MAGI2: variants seen among roughly 807,000 people sequenced by gnomAD.
MAGI2 encodes membrane associated guanylate kinase, WW and PDZ domain containing 2.
A neutral mutation model predicts 133.3 loss-of-function variants in MAGI2; 35 were observed. The ratio of observed to expected loss-of-function variants is 0.26; its 90% CI spans 0.20 to 0.35. The LOEUF (loss-of-function observed/expected upper bound fraction) is 0.35, where lower values mean the gene tolerates loss of function less well. Ranked by LOEUF, MAGI2 falls within the 10% of genes least tolerant of loss-of-function variation. The pLI is 1.00. For synonymous variants in MAGI2, 729 were observed against 710.6 expected (o/e 1.03, Z -0.41); for missense variants, 1,636 against 1,863.4 (o/e 0.88, Z 2.25).
At chr7:78,739,955 A>G (rs1023118583) in intron 2 of MAGI2, among the ~76,000 whole-genome samples, 1 of 152,054 alleles carries the variant, frequency 6.6e-6, no homozygotes, top group African/African-American at 2.4e-5. Context: ...TCAGGAGATC[A>G]AGACCATCCT....
At chr7:79,438,777 C>T (rs1490532595) in intron 1 of MAGI2, among the ~76,000 whole-genome samples, 1 of 152,088 alleles carries the variant, frequency 6.6e-6, no homozygotes, top group Non-Finnish European at 1.5e-5. Flanking sequence ...TTAAGCCTTG[C>T]TCTCAGTTTC....
chr7:79,147,338 C>T (rs1177678590), intron 1 of MAGI2, among the ~76,000 whole-genome samples: 2 of 152,122 alleles, frequency 1.3e-5, no homozygotes, highest in African/African-American at 4.8e-5. Flanking sequence ...CATTTATCCC[C>T]AAATAAAGCC....
intron 1 of MAGI2, among the ~76,000 whole-genome samples, chr7:79,368,720 C>T (rs925778326): frequency 1.3e-5 from 2 of 149,636 alleles, no homozygotes; most frequent in Non-Finnish European, 3.0e-5. Context: ...TAGTGGCGGG[C>T]GCCTGTAGTC....
chr7:78,811,208 T>C (rs1288446287), intron 2 of MAGI2, among the ~76,000 whole-genome samples: 1 of 152,002 alleles, frequency 6.6e-6, no homozygotes, highest in African/African-American at 2.4e-5. Flanking sequence ...TTTATCTGAT[T>C]TTAAATTACC....
chr7:78,973,374 T>A (rs1803955545), intron 2 of MAGI2, among the ~76,000 whole-genome samples: 1 of 151,772 alleles, frequency 6.6e-6, no homozygotes, highest in African/African-American at 2.4e-5. Flanking sequence ...TTAAACCAAA[T>A]GACAAATATC....
At chr7:78,223,096 T>C (rs983585694) in intron 10 of MAGI2, among the ~76,000 whole-genome samples, 1 of 152,264 alleles carries the variant, frequency 6.6e-6, no homozygotes, top group African/African-American at 2.4e-5. Context: ...AAAGGTGAAC[T>C]GCTCCTGTCT....
At chr7:79,246,343 T>G (rs1585314441) in intron 1 of MAGI2, among the ~76,000 whole-genome samples, 1 of 152,194 alleles carries the variant, frequency 6.6e-6, no homozygotes, top group Admixed American at 6.5e-5. Context: ...CTGAGAGATG[T>G]GGTCTCTCAG....
At chr7:79,373,631 T>C in intron 1 of MAGI2, among the ~76,000 whole-genome samples, 1 of 152,054 alleles carries the variant, frequency 6.6e-6, no homozygotes, top group Non-Finnish European at 1.5e-5. Context: ...TAATTTGTGG[T>C]TGAATAAATG....
At position 78,385,448 on chromosome 7, in the gene MAGI2, C is replaced by T. The variant is rs138063956; in HGVS notation, c.1046-16235G>A. Among the ~76,000 whole-genome samples the T allele has an allele frequency of 1.7e-3, 255 of 152,200 alleles. 1 individual carries two copies. The highest frequency in any genetic ancestry group is 6.0e-3 in the African/African-American group (248 of 41,518). ...GAGATAAGGCAGGAAAATGCTTTTCCCTTGACATGAAAGGATGACTATTTA... is the reference window on the plus strand; with the variant it reads ...GAGATAAGGCAGGAAAATGCTTTTCTCTTGACATGAAAGGATGACTATTTA... On this transcript the variant is annotated intron_variant, in intron 6 of 21. Transcript: ENST00000354212.
Position 78,046,929 on chromosome 7 carries a change from T to C in MAGI2, c.3707-26953A>G, listed in dbSNP as rs115443204. On this transcript the variant is annotated intron_variant, in intron 21 of 21. Coordinates refer to ENST00000354212, the MANE Select transcript of MAGI2 (RefSeq NM_012301.4). Reference sequence around the variant, plus strand: ...TATGGACTGAATAATTTAAAAGTCATATATTACATGTTGGTTTATAACATT... The same window carrying C: ...TATGGACTGAATAATTTAAAAGTCACATATTACATGTTGGTTTATAACATT... 8.3e-3 allele frequency among the ~76,000 whole-genome samples: 1,261 copies of C among 152,350 alleles called. 18 individuals are homozygous for C. Among genetic ancestry groups the C allele is most frequent in the African/African-American group, 0.028 (1,176 of 41,584 alleles).
intron 2 of MAGI2, among the ~76,000 whole-genome samples, chr7:78,754,556 AT>A (rs1388345950): frequency 6.6e-6 from 1 of 152,130 alleles, no homozygotes; most frequent in African/African-American, 2.4e-5. Flanking sequence ...ACACATCAAA[AT>A]TCTTAGAGGC....
intron 1 of MAGI2, among the ~76,000 whole-genome samples, chr7:79,020,268 C>G (rs1809168815): frequency 6.6e-6 from 1 of 152,180 alleles, no homozygotes; most frequent in African/African-American, 2.4e-5. Context: ...AATTTCTAAG[C>G]AGCAAAGCAT....
chr7:78,194,230 T>A (rs925231170), intron 12 of MAGI2, among the ~76,000 whole-genome samples: 3 of 152,180 alleles, frequency 2.0e-5, no homozygotes, highest in Admixed American at 6.5e-5. Context: ...GCAAGCAATA[T>A]CAAAAGCCTT....
intron 1 of MAGI2, among the ~76,000 whole-genome samples, chr7:79,235,537 G>C (rs529116269): frequency 2.6e-5 from 4 of 152,186 alleles, no homozygotes; most frequent in Admixed American, 2.6e-4. Context: ...GCAATATTTG[G>C]GTGGGAGTGA....
chr7:78,666,037 T>C (rs1813537886), intron 2 of MAGI2, among the ~76,000 whole-genome samples: 1 of 152,090 alleles, frequency 6.6e-6, no homozygotes, highest in Non-Finnish European at 1.5e-5. Context: ...AGTTTCCAAC[T>C]GAAAACTGAA....
chr7:78,298,430 A>G lies in MAGI2; in HGVS notation c.1409-41849T>C, dbSNP rs562026067. On this transcript the variant is annotated intron_variant, in intron 9 of 21. Transcript: ENST00000354212. Reference sequence around the variant, plus strand: ...TAAGGGTAACAAATATACTAAGGTAAGATGTTAAGAAGAGAAATTGGGTGT... The same window carrying G: ...TAAGGGTAACAAATATACTAAGGTAGGATGTTAAGAAGAGAAATTGGGTGT... 5.3e-5 allele frequency among the ~76,000 whole-genome samples: 8 copies of G among 152,292 alleles called. 1 individual carries two copies. Among genetic ancestry groups the G allele is most frequent in the South Asian group, 4.2e-4 (2 of 4,816 alleles).
rs367920302 is a variant in MAGI2 at position 79,367,858 on chromosome 7, C to CATATATATATATATAT, written c.301+85146_301+85161dup. On this transcript the variant is annotated intron_variant, in intron 1 of 21. Transcript: ENST00000354212. ...CATATATATATGCTTATATATGTGA[C>CATATATATATATATAT]ATATATATATATATATATGTCATTG... 1.2e-3 allele frequency among the ~76,000 whole-genome samples: 103 copies of CATATATATATATATAT among 87,124 alleles called. 5 individuals are homozygous for CATATATATATATATAT. The highest frequency in any genetic ancestry group is 3.1e-3 in the African/African-American group (67 of 21,560). The allele number at this position is 87,124 out of a possible 152,430, so 57.2% of individuals were successfully genotyped here. A position where few individuals can be genotyped will look rare whatever the true frequency, so the allele number is the denominator to read the frequency against.
chr7:78,371,862 T>C (rs979234281), intron 6 of MAGI2, among the ~76,000 whole-genome samples: 1 of 152,086 alleles, frequency 6.6e-6, no homozygotes, highest in African/African-American at 2.4e-5. Flanking sequence ...TTTTAAGAAC[T>C]GTTAGAGGTC....
At chr7:78,609,271 G>A (rs1806169024) in intron 3 of MAGI2, among the ~76,000 whole-genome samples, 1 of 152,014 alleles carries the variant, frequency 6.6e-6, no homozygotes, top group Non-Finnish European at 1.5e-5. Flanking sequence ...ACCATCACAA[G>A]TCCACTCCTT....
Sources: allele counts gnomAD v4.1 joint callset (sites outside exome capture counted in the v4.1 genomes callset), GRCh38; gene constraint gnomAD v4.1.1; transcripts MANE v1.5; gene names NCBI Gene and HGNC (gene_info 2026-07-23, HGNC 2026-07-21).